The following SIPA1L1 variants were observed in gnomAD, a reference collection of about 807,000 sequenced individuals.
The protein encoded by SIPA1L1 is signal-induced proliferation-associated 1-like protein 1.
A neutral mutation model predicts 162.7 loss-of-function variants in SIPA1L1; 26 were observed. That is an observed-to-expected ratio of 0.16 (90% CI 0.12 to 0.22). The LOEUF is 0.22. SIPA1L1 is among the 10% of genes least tolerant of loss of function. The pLI is 1.00. For missense variants in SIPA1L1, 1,874 were observed against 2,241.0 expected (o/e 0.84, Z 3.31); for synonymous variants, 829 against 837.4 (o/e 0.99, Z 0.17).
intron 2 of SIPA1L1, among the ~76,000 whole-genome samples, chr14:71,403,039 A>G (rs191036425): frequency 2.5e-4 from 38 of 152,268 alleles, no homozygotes; most frequent in African/African-American, 8.7e-4. Flanking sequence ...AATAATGAAA[A>G]GCTTCTGAAT....
At chr14:71,567,374 T>C (rs2030884980) in intron 4 of SIPA1L1, among the ~76,000 whole-genome samples, 1 of 152,152 alleles carries the variant, frequency 6.6e-6, no homozygotes, top group Non-Finnish European at 1.5e-5. Flanking sequence ...CAAATTCTGG[T>C]GTATGCAAAA....
chr14:71,618,766 A>G lies in SIPA1L1; in HGVS notation c.1508A>G (p.Asn503Ser). 6.2e-7 allele frequency: 1 copy of G among 1,612,956 alleles called. No individual in the cohort carries two copies. Residue 503 changes from asparagine to serine, a missense_variant, in exon 6 of 24, where the codon AAC (asparagine) becomes AGC (serine). By Grantham distance (46) the Asn-to-Ser change is conservative. This residue lies in a region of SIPA1L1 where 685 missense variants were observed against 828.0 expected (regional missense o/e 0.83). Transcript: ENST00000381232. ...TCTTATTTTACCTAAGAACACTGGA[A>G]CTATTTTGGGGCTGATGAGAATCTT... ...RKFFYQKEHW[N>S]YFGADENLGP...
In SIPA1L1 at chr14:71,671,591, A is replaced by G. The variant is rs1227934991; in HGVS notation, c.2728A>G (p.Thr910Ala). Residue 910 changes from threonine (T) to alanine (A), a missense_variant, in exon 11 of 24, where the codon ACT (threonine) becomes GCT (alanine). By Grantham distance (58) the Thr-to-Ala change is moderately conservative. Coordinates refer to ENST00000381232, the MANE Select transcript of SIPA1L1 (RefSeq NM_001386936.1). ...SCRDVIGWTS[T>A]DTSLKIFYER... ...TAGAGATGTGATAGGGTGGACTTCA[A>G]CTGACACCAGCCTCAAAATCTTCTA... 3.1e-6 allele frequency: 5 copies of G among 1,614,112 alleles called. No homozygotes were observed. The African/African-American group carries it at 5.3e-5, about 17-fold the overall frequency.
intron 5 of SIPA1L1, among the ~76,000 whole-genome samples, chr14:71,593,275 G>A (rs976937702): frequency 3.3e-5 from 5 of 151,936 alleles, no homozygotes; most frequent in Non-Finnish European, 5.9e-5. Flanking sequence ...TCAGTGGCAC[G>A]ATCTCCGCTC....
chr14:71,533,242 A>C (rs942568306), intron 4 of SIPA1L1, among the ~76,000 whole-genome samples: 10 of 152,156 alleles, frequency 6.6e-5, no homozygotes, highest in Admixed American at 6.6e-4. Flanking sequence ...ACTTTGTCTC[A>C]ATTTACTTTA....
chr14:71,419,376 TAGGGACTTTC>T (rs2043014487), intron 2 of SIPA1L1, among the ~76,000 whole-genome samples: 1 of 151,814 alleles, frequency 6.6e-6, no homozygotes, highest in Non-Finnish European at 1.5e-5. Context: ...TGTCTTTGTG[TAGGGACTTTC>T]AGGGCTGTTC....
At chr14:71,602,558 A>T (rs980574356) in intron 5 of SIPA1L1, among the ~76,000 whole-genome samples, 1 of 152,242 alleles carries the variant, frequency 6.6e-6, no homozygotes, top group African/African-American at 2.4e-5. Flanking sequence ...TATATTCTGT[A>T]AATGTCTGTT....
chr14:71,548,310 T>C (rs1368763992), intron 4 of SIPA1L1, among the ~76,000 whole-genome samples: 1 of 152,232 alleles, frequency 6.6e-6, no homozygotes, highest in African/African-American at 2.4e-5. Context: ...TGAAGTCTGC[T>C]GTCAGCGTTT....
At chr14:71,350,188 C>T (rs762774331) in intron 2 of SIPA1L1, among the ~76,000 whole-genome samples, 50 of 151,998 alleles carry the variant, frequency 3.3e-4, no homozygotes, top group Non-Finnish European at 5.4e-4. Flanking sequence ...GCGTGAGCCA[C>T]CGCGCCTGGT....
chr14:71,373,518 G>A (rs903259946), intron 2 of SIPA1L1, among the ~76,000 whole-genome samples: 8 of 150,664 alleles, frequency 5.3e-5, no homozygotes, highest in African/African-American at 1.5e-4. Context: ...CCAGCTACCC[G>A]GGAGGCTGAG....
chr14:71,322,192 A>C (rs1473479587), intron 2 of SIPA1L1, among the ~76,000 whole-genome samples: 1 of 152,196 alleles, frequency 6.6e-6, no homozygotes, highest in African/African-American at 2.4e-5. Flanking sequence ...CAAACCTTTC[A>C]TGTTGAAACT....
At chr14:71,619,307 T>C (rs1240811088) in intron 6 of SIPA1L1, among the ~76,000 whole-genome samples, 3 of 152,158 alleles carry the variant, frequency 2.0e-5, no homozygotes, top group Non-Finnish European at 1.5e-5. Flanking sequence ...GCTGAGCTCA[T>C]GTCTTCGCCC....
chr14:71,643,374 G>T (rs545241608), intron 7 of SIPA1L1, among the ~76,000 whole-genome samples: 23 of 152,200 alleles, frequency 1.5e-4, no homozygotes, highest in Non-Finnish European at 2.5e-4. Context: ...TTACGTCTCA[G>T]AGTCCCTTCA....
At chr14:71,718,428 A>G (rs923035611) in intron 17 of SIPA1L1, among the ~76,000 whole-genome samples, 2 of 152,244 alleles carry the variant, frequency 1.3e-5, no homozygotes, top group African/African-American at 2.4e-5. Context: ...GTGTCAGCCC[A>G]TTGTGTTCAT....
At chr14:71,457,425 A>G (rs527766125) in intron 2 of SIPA1L1, among the ~76,000 whole-genome samples, 2 of 151,252 alleles carry the variant, frequency 1.3e-5, no homozygotes, top group East Asian at 3.9e-4. Flanking sequence ...CAGCTTCCTG[A>G]GTAGCTGTGG....
At chr14:71,474,389 A>G (rs1357724927) in intron 2 of SIPA1L1, among the ~76,000 whole-genome samples, 2 of 152,194 alleles carry the variant, frequency 1.3e-5, no homozygotes, top group Admixed American at 6.5e-5. Flanking sequence ...GCTTCAGTGG[A>G]CCAGTGGATA....
intron 4 of SIPA1L1, chr14:71,586,906 C>G (rs1321982752): frequency 6.6e-6 from 1 of 151,880 alleles, no homozygotes; most frequent in African/African-American, 2.4e-5. Context: ...ATGCTGGATT[C>G]ATTCTGCAAT....
chr14:71,535,359 A>AT (rs1351928978), intron 4 of SIPA1L1, among the ~76,000 whole-genome samples: 1 of 152,164 alleles, frequency 6.6e-6, no homozygotes, highest in African/African-American at 2.4e-5. Flanking sequence ...GTTTCCATTG[A>AT]TTTTTTAGGA....
At chr14:71,695,918 A>G (rs1203374666) in intron 13 of SIPA1L1, among the ~76,000 whole-genome samples, 2 of 152,334 alleles carry the variant, frequency 1.3e-5, no homozygotes, top group East Asian at 3.9e-4. Context: ...TTCATAACCA[A>G]TTCCTCCTAT....
Sources: gnomAD v4.1 joint callset for allele counts (sites outside exome capture counted in the v4.1 genomes callset) on GRCh38, gnomAD v4.1.1 for gene constraint, gnomAD v4.1.1 regional missense constraint, MANE v1.5 for transcripts, NCBI Gene and HGNC (gene_info 2026-07-23, HGNC 2026-07-21) for gene names.